Variants in PREX1 observed in about 807,000 individuals in gnomAD.
PREX1 encodes phosphatidylinositol 3,4,5-trisphosphate-dependent Rac exchanger 1 protein.
PREX1 carries 41 observed loss-of-function variants against 198.3 expected under a neutral mutation model. That is an observed-to-expected ratio of 0.21 (90% CI 0.16 to 0.27). PREX1 has a LOEUF of 0.27. PREX1 is among the 10% of genes least tolerant of loss of function. The pLI is 1.00. For synonymous variants in PREX1, 843 were observed against 887.2 expected (o/e 0.95, Z 0.89); for missense variants, 1,620 against 2,200.7 (o/e 0.74, Z 5.28).
intron 37 of PREX1, among the ~76,000 whole-genome samples, chr20:48,628,808 G>A (rs1298132160): frequency 6.6e-6 from 1 of 152,230 alleles, no homozygotes; most frequent in Admixed American, 6.5e-5. Flanking sequence ...TTCAGCAAAT[G>A]TTTCTTGAGC....
intron 3 of PREX1, among the ~76,000 whole-genome samples, chr20:48,736,795 T>C (rs2090058862): frequency 6.6e-6 from 1 of 152,198 alleles, no homozygotes; most frequent in Admixed American, 6.5e-5. Context: ...TCTGGAAACC[T>C]GCTCCTGCAG....
the PREX1 span, among the ~76,000 whole-genome samples, chr20:48,842,837 T>C: frequency 5.1e-3 from 777 of 152,052 alleles, 4 homozygotes; most frequent in Non-Finnish European, 8.8e-3. Context: ...GGGATGATAA[T>C]GATGATAATC....
In PREX1 at chr20:48,647,519, CAAAAAAAAAAA is replaced by C. The variant is rs765244255; in HGVS notation, c.3306-1473_3306-1463del. 6.8e-3 allele frequency among the ~76,000 whole-genome samples: 336 copies of C among 49,626 alleles called. 5 individuals are homozygous for C. Among genetic ancestry groups the C allele is most frequent in the African/African-American group, 0.02 (324 of 15,824 alleles). The allele number at this position is 49,626 out of a possible 152,430, so 32.6% of individuals were successfully genotyped here. On this transcript the variant is annotated intron_variant, in intron 25 of 39. Coordinates refer to ENST00000371941, the MANE Select transcript of PREX1 (RefSeq NM_020820.4). ...CTGGTGACACAGTGAGACAACATCTCAAAAAAAAAAAAAAAAAAAAAAGAACAGTGTCTCGT... is the reference window on the plus strand; with the variant it reads ...CTGGTGACACAGTGAGACAACATCTCAAAAAAAAAAAGAACAGTGTCTCGT...
intron 13 of PREX1, 84 bp from the exon 14 acceptor site, chr20:48,676,352 G>T: frequency 7.7e-7 from 1 of 1,295,600 alleles, no homozygotes; most frequent in Non-Finnish European, 1.1e-6. Flanking sequence ...TGCAGGACGT[G>T]CCCACGAGTC....
rs143225901 is a variant in PREX1, at chr20:48,782,327, G to T, written c.220-34447C>A. On this transcript the variant is annotated intron_variant, in intron 1 of 39. Transcript: ENST00000371941. ...TTGAATAAGTCTTACAAGATCTGATGGTTTCATAAAAGGAAACCCCTTTCA... is the reference window on the plus strand; with the variant it reads ...TTGAATAAGTCTTACAAGATCTGATTGTTTCATAAAAGGAAACCCCTTTCA... Among the ~76,000 whole-genome samples the T allele has an allele frequency of 4.7e-4, 72 of 152,130 alleles. 1 individual carries two copies. In the East Asian group the frequency reaches 0.013, roughly 27 times the overall value.
chr20:48,766,021 G>A (rs1381069787), intron 1 of PREX1, among the ~76,000 whole-genome samples: 4 of 152,114 alleles, frequency 2.6e-5, no homozygotes, highest in South Asian at 2.1e-4. Flanking sequence ...CCCTCCTTAC[G>A]AGAATCTAAT....
At chr20:48,676,906 TGTGA>T (rs2089713482) in intron 13 of PREX1, among the ~76,000 whole-genome samples, 2 of 152,232 alleles carry the variant, frequency 1.3e-5, no homozygotes, top group Non-Finnish European at 2.9e-5. Context: ...CACAGAGGCC[TGTGA>T]GTTTCACGGT....
intron 37 of PREX1, 102 bp from the exon 38 acceptor site, chr20:48,628,065 C>T (rs975803488): frequency 6.9e-6 from 6 of 867,972 alleles, no homozygotes; most frequent in Non-Finnish European, 1.1e-5. Context: ...GGGGCAACTT[C>T]CTGTCCCTCC....
In PREX1 at chr20:48,644,469, G is replaced by A. The variant is rs754101813; in HGVS notation, c.3541C>T (p.Leu1181=). The A allele has an allele frequency of 8.7e-6, 14 of 1,613,824 alleles. No homozygotes were observed. In the African/African-American group the frequency reaches 1.6e-4, roughly 18 times the overall value. ...TTACTTCTCACGCTGGTGTAGGACA[G>A]GACCGAGTCTCGATTGCTGTTACAC... is the stretch of plus-strand genomic sequence containing the variant. ...SECNSNRDSV[L]SYTSVRSNSS... The change falls in exon 27 of 40, where the codon CTG becomes TTG. Residue 1181 remains leucine (L), a synonymous_variant. Coordinates refer to ENST00000371941, the MANE Select transcript of PREX1 (RefSeq NM_020820.4).
At chr20:48,635,869 G>A (rs767127803) in intron 32 of PREX1, among the ~76,000 whole-genome samples, 6 of 152,224 alleles carry the variant, frequency 3.9e-5, no homozygotes, top group Non-Finnish European at 7.3e-5. Context: ...GGGGAGGGCT[G>A]AGTGTTCCCT....
intron 18 of PREX1, among the ~76,000 whole-genome samples, 159 bp from the exon 19 acceptor site, chr20:48,655,534 C>G (rs1440025021): frequency 6.6e-6 from 1 of 152,208 alleles, no homozygotes; most frequent in African/African-American, 2.4e-5. Flanking sequence ...CTCCCAAATA[C>G]AGAGAGAAAT....
intron 1 of PREX1, among the ~76,000 whole-genome samples, chr20:48,817,628 T>G (rs758927549): frequency 4.5e-4 from 68 of 152,144 alleles, no homozygotes; most frequent in Non-Finnish European, 8.4e-4. Flanking sequence ...CCCTGGCACT[T>G]GAGCACAATG....
intron 1 of PREX1, among the ~76,000 whole-genome samples, chr20:48,756,616 C>A (rs1343794851): frequency 2.0e-5 from 3 of 152,128 alleles, no homozygotes; most frequent in African/African-American, 7.2e-5. Flanking sequence ...AGGCTAATTT[C>A]TTCCTGAAAG....
At chr20:48,785,150 G>A (rs2090306394) in intron 1 of PREX1, among the ~76,000 whole-genome samples, 1 of 152,188 alleles carries the variant, frequency 6.6e-6, no homozygotes, top group Admixed American at 6.5e-5. Flanking sequence ...CTGACTTCAG[G>A]TGATTCGCCT....
At chr20:48,782,214 C>T (rs1210662354) in intron 1 of PREX1, among the ~76,000 whole-genome samples, 1 of 152,160 alleles carries the variant, frequency 6.6e-6, no homozygotes, top group Non-Finnish European at 1.5e-5. Context: ...CGAATTGTAG[C>T]TCTCATAATT....
chr20:48,817,780 A>T (rs2090465200), intron 1 of PREX1, among the ~76,000 whole-genome samples: 1 of 152,230 alleles, frequency 6.6e-6, no homozygotes, highest in Non-Finnish European at 1.5e-5. Context: ...ACATCATGTA[A>T]TAAAACATAG....
the PREX1 span, among the ~76,000 whole-genome samples, chr20:48,878,211 C>T: frequency 2.6e-5 from 4 of 152,230 alleles, no homozygotes; most frequent in African/African-American, 4.8e-5. Flanking sequence ...GTCTCCCCTT[C>T]GTTCACTCTG....
At chr20:48,630,884 A>C in intron 35 of PREX1, 90 bp from the exon 36 acceptor site, 4 of 963,406 alleles carry the variant, frequency 4.2e-6, no homozygotes, top group Admixed American at 1.9e-5. Flanking sequence ...AGCCACCGTG[A>C]CTCCGCCCTC....
At chr20:48,704,527 C>A (rs536259912) in intron 6 of PREX1, among the ~76,000 whole-genome samples, 7 of 151,514 alleles carry the variant, frequency 4.6e-5, no homozygotes, top group African/African-American at 1.7e-4. Context: ...TCCTTCCTTC[C>A]TTTCCTTCCT....
Sources: gnomAD v4.1 joint callset for allele counts (sites outside exome capture counted in the v4.1 genomes callset) on GRCh38, gnomAD v4.1.1 for gene constraint, MANE v1.5 for transcripts, NCBI Gene and HGNC (gene_info 2026-07-23, HGNC 2026-07-21) for gene names.